Variants in OVCH1 observed in about 807,000 individuals in gnomAD.
OVCH1 encodes the protein ovochymase 1, also known as ovochymase-1.
In OVCH1, 139 loss-of-function variants were observed where a neutral mutation model predicts 138.4. That is an observed-to-expected ratio of 1.00 (90% CI 0.87 to 1.16). The LOEUF (loss-of-function observed/expected upper bound fraction) is 1.16, where lower values mean the gene tolerates loss of function less well. OVCH1 is among the 50% of genes most tolerant of loss of function. OVCH1 has a pLI of 0.00. For missense variants in OVCH1, 1,367 were observed against 1,357.9 expected, an observed-to-expected ratio of 1.01 and a Z score of -0.11; for synonymous variants, 453 against 467.8, an observed-to-expected ratio of 0.97 and a Z score of 0.41.
At chr12:29,460,059 A>G (rs1265801871) in intron 19 of OVCH1, among the ~76,000 whole-genome samples, 2 of 152,168 alleles carry the variant, frequency 1.3e-5, no homozygotes, top group Non-Finnish European at 2.9e-5. Context: ...AAAGCTAGCC[A>G]TATTTATTAA....
intron 4 of OVCH1, among the ~76,000 whole-genome samples, chr12:29,493,136 G>C (rs1943317260): frequency 6.6e-6 from 1 of 152,096 alleles, no homozygotes; most frequent in African/African-American, 2.4e-5. Context: ...GACATAACTA[G>C]TATAGATGGC....
intron 3 of OVCH1, among the ~76,000 whole-genome samples, chr12:29,413,291 C>T (rs1430212966): frequency 6.6e-6 from 1 of 152,154 alleles, no homozygotes; most frequent in Non-Finnish European, 1.5e-5. Context: ...ACAATAGGAA[C>T]ATATGCCCTA....
At chr12:29,497,019 C>CCAG (rs893305240) in intron 1 of OVCH1, among the ~76,000 whole-genome samples, 3 of 152,138 alleles carry the variant, frequency 2.0e-5, no homozygotes, top group Admixed American at 6.5e-5. Flanking sequence ...GCCTGTAATC[C>CCAG]CAGCACTTTG....
intron 22 of OVCH1, among the ~76,000 whole-genome samples, chr12:29,448,195 A>G (rs1378567938): frequency 6.8e-6 from 1 of 147,750 alleles, no homozygotes; most frequent in Non-Finnish European, 1.5e-5. Flanking sequence ...TCACATTCCT[A>G]TGAGAATCTA....
intron 27 of OVCH1, among the ~76,000 whole-genome samples, chr12:29,428,191 A>C (rs1941210615): frequency 6.6e-6 from 1 of 152,096 alleles, no homozygotes; most frequent in Non-Finnish European, 1.5e-5. Context: ...TCTTGGCTAA[A>C]ATGAGGAACT....
chr12:29,436,238 C>T (rs1383095045), intron 26 of OVCH1, among the ~76,000 whole-genome samples: 1 of 151,860 alleles, frequency 6.6e-6, no homozygotes, highest in Non-Finnish European at 1.5e-5. Flanking sequence ...CATCTCTGCA[C>T]ATACATAAAG....
intron 26 of OVCH1, among the ~76,000 whole-genome samples, chr12:29,434,642 CATT>C (rs1250976575): frequency 6.6e-6 from 1 of 151,926 alleles, no homozygotes; most frequent in Admixed American, 6.6e-5. Context: ...GCCAAAATGA[CATT>C]ATATGTGAAA....
chr12:29,496,654 T>C, exon 2 of OVCH1: 1 of 1,613,068 alleles, frequency 6.2e-7, no homozygotes, highest in Non-Finnish European at 8.5e-7. Context: ...ATGTTGACCA[T>C]GCGAATTCCA....
At chr12:29,446,700 A>G (rs79389782) in intron 22 of OVCH1, among the ~76,000 whole-genome samples, 9,494 of 152,142 alleles carry the variant, frequency 0.062, 891 homozygotes, top group African/African-American at 0.21. Flanking sequence ...GTATAATAAT[A>G]TAGTATATTA....
chr12:29,442,927 C>T lies in OVCH1; in HGVS notation c.3157+434G>A, dbSNP rs1003840962. Among the ~76,000 whole-genome samples the T allele has an allele frequency of 8.6e-5, 13 of 151,778 alleles. 1 individual carries two copies. The highest frequency in any genetic ancestry group is 3.1e-4 in the African/African-American group (13 of 41,424). On this transcript the variant is annotated intron_variant, in intron 25 of 27. Transcript: ENST00000318184. Reference sequence around the variant, plus strand: ...TTTTTCCCAAATTAAATAAAAACAACGATTTGTGCCAAAAAAAAAGAAAAT... The same window carrying T: ...TTTTTCCCAAATTAAATAAAAACAATGATTTGTGCCAAAAAAAAAGAAAAT...
downstream of OVCH1, among the ~76,000 whole-genome samples, chr12:29,424,681 G>A (rs1176321683): frequency 1.3e-5 from 2 of 152,066 alleles, no homozygotes; most frequent in African/African-American, 4.8e-5. Flanking sequence ...ACCTCTCTCT[G>A]TGCCTCGATA....
chr12:29,420,483 C>CTT lies in OVCH1; in HGVS notation c.*71+2642_*71+2643dup, dbSNP rs958610211. Reference sequence around the variant, plus strand: ...AAAAAGAGCTGGAAGGAAAAAGCAGCTTTTTTTTTTTTTTTTTTTTTTTTT... The same window carrying CTT: ...AAAAAGAGCTGGAAGGAAAAAGCAGCTTTTTTTTTTTTTTTTTTTTTTTTTTT... On this transcript the variant is annotated intron_variant and NMD_transcript_variant, in intron 3 of 4. Transcript: ENST00000539117. Among the ~76,000 whole-genome samples, 5 of 19,006 alleles carry CTT rather than the reference C, an allele frequency of 2.6e-4. 1 individual carries two copies. The highest frequency in any genetic ancestry group is 1.3e-3 in the African/African-American group (5 of 3,874). The allele number at this position is 19,006 out of a possible 152,430, so 12.5% of individuals were successfully genotyped here.
intron 26 of OVCH1, among the ~76,000 whole-genome samples, chr12:29,436,882 G>A (rs1941372013): frequency 6.6e-6 from 1 of 152,206 alleles, no homozygotes; most frequent in African/African-American, 2.4e-5. Context: ...ATTGTGAAGA[G>A]CGAAAGAACA....
intron 3 of OVCH1, among the ~76,000 whole-genome samples, chr12:29,420,929 G>T (rs572362609): frequency 4.6e-5 from 7 of 152,300 alleles, no homozygotes; most frequent in South Asian, 4.1e-4. Context: ...ATATCAGCGG[G>T]AGCATAAACT....
intron 4 of OVCH1, among the ~76,000 whole-genome samples, chr12:29,493,977 T>C (rs961176853): frequency 1.3e-5 from 2 of 152,230 alleles, no homozygotes; most frequent in Non-Finnish European, 2.9e-5. Context: ...ATTACTCACC[T>C]GGAACCACTT....
At chr12:29,409,052 G>C (rs1053163598), downstream of OVCH1, among the ~76,000 whole-genome samples, 4 of 152,156 alleles carry the variant, frequency 2.6e-5, no homozygotes, top group Admixed American at 2.6e-4. Context: ...TGTATGTGTC[G>C]AGGAATTTAT....
At chr12:29,475,713 T>C (rs1223798544) in intron 13 of OVCH1, among the ~76,000 whole-genome samples, 3 of 152,182 alleles carry the variant, frequency 2.0e-5, no homozygotes, top group East Asian at 1.9e-4. Context: ...GGACAGATAC[T>C]AGGTCCTGAA....
intron 3 of OVCH1, among the ~76,000 whole-genome samples, chr12:29,419,281 A>G (rs1941070789): frequency 6.6e-6 from 1 of 150,384 alleles, no homozygotes; most frequent in South Asian, 2.1e-4. Context: ...CCATAATACT[A>G]AACAAAGTAT....
intron 18 of OVCH1, 81 bp downstream of exon 18, chr12:29,464,426 A>G (rs1942244264): frequency 7.1e-7 from 1 of 1,404,492 alleles, no homozygotes; most frequent in Non-Finnish European, 9.9e-7. Flanking sequence ...GCTGAAGCGG[A>G]TGCTGCTTGA....
Sources: allele counts gnomAD v4.1 joint callset (sites outside exome capture counted in the v4.1 genomes callset), GRCh38; gene constraint gnomAD v4.1.1; transcripts MANE v1.5; gene names NCBI Gene and HGNC (gene_info 2026-07-23, HGNC 2026-07-21).